CDH26: variants seen among roughly 807,000 people sequenced by gnomAD.
CDH26 encodes cadherin 26.
Under a neutral mutation model 90.3 loss-of-function variants are expected in CDH26, and 83 were observed. That is an observed-to-expected ratio of 0.92 (90% confidence interval 0.77 to 1.10). The LOEUF (loss-of-function observed/expected upper bound fraction) is 1.10, where lower values mean the gene tolerates loss of function less well. CDH26 is among the 50% of genes least tolerant of loss of function. The pLI is 0.00. For synonymous variants in CDH26, 397 were observed against 396.3 expected, an observed-to-expected ratio of 1.00 and a Z score of -0.02; for missense variants, 1,013 against 1,037.6, an observed-to-expected ratio of 0.98 and a Z score of 0.33.
At chr20:59,994,227 C>T (rs757840714) in intron 10 of CDH26, 23 bp from the exon 11 acceptor site, 2 of 1,613,638 alleles carry the variant, frequency 1.2e-6, no homozygotes. Context: ...TAAACAACTC[C>T]TGAAACTTCC....
chr20:59,996,842 T>C, intron 13 of CDH26, 81 bp downstream of exon 13: 1 of 1,559,316 alleles, frequency 6.4e-7, no homozygotes, highest in Non-Finnish European at 8.8e-7. Flanking sequence ...TTCCCCCCAT[T>C]GTGCCACCTC....
chr20:60,031,542 G>T (rs1182030038), intron 8 of CDH26: 1 of 1,011,280 alleles, frequency 9.9e-7, no homozygotes, highest in African/African-American at 1.7e-5. Flanking sequence ...TTAATTATTT[G>T]TAAAAACATC....
chr20:59,995,754 A>G (rs972638241), intron 11 of CDH26, 79 bp from the exon 12 acceptor site: 14 of 1,326,098 alleles, frequency 1.1e-5, no homozygotes, highest in Admixed American at 1.7e-5. Context: ...TGGCCCGTGC[A>G]GGGCGTTCAG....
At chr20:59,978,119 A>G (rs982987623) in intron 4 of CDH26, among the ~76,000 whole-genome samples, 5 of 152,214 alleles carry the variant, frequency 3.3e-5, no homozygotes, top group African/African-American at 1.2e-4. Flanking sequence ...GTGGATGGAC[A>G]CAGCTTATTT....
At chr20:60,003,039 T>G (rs183744909) in intron 16 of CDH26, among the ~76,000 whole-genome samples, 173 bp downstream of exon 16, 6 of 152,292 alleles carry the variant, frequency 3.9e-5, no homozygotes, top group Admixed American at 2.0e-4. Context: ...TTGGAAGTAG[T>G]TAAGGCACAT....
intron 1 of CDH26, among the ~76,000 whole-genome samples, chr20:59,962,442 T>C (rs2061087334): frequency 6.6e-6 from 1 of 152,204 alleles, no homozygotes; most frequent in Non-Finnish European, 1.5e-5. Context: ...CAGCTGTTTC[T>C]TGGCTTGCAG....
At position 59,992,389 on chromosome 20, in the gene CDH26, T is replaced by C. The variant is rs2061537815; in HGVS notation, c.1295T>C (p.Val432Ala). 6.2e-7 allele frequency: 1 copy of C among 1,614,168 alleles called. No homozygotes were observed. Among genetic ancestry groups the C allele is most frequent in the Non-Finnish European group, 8.5e-7 (1 of 1,179,980 alleles). ...DPDSQIRYEL[V>A]HDPANWVSVD... ...TTTCCTTCTACAAGATATGAACTGG[T>C]TCATGACCCAGCAAATTGGGTCAGC... Residue 432 changes from valine (V) to alanine (A), a missense_variant, in exon 10 of 18, where the codon GTT becomes GCT. Transcript: ENST00000348616. This position sits in a 1 kb window ranked among gnomAD's most constrained non-coding sequence, Gnocchi z 5.0.
intron 8 of CDH26, among the ~76,000 whole-genome samples, 162 bp downstream of exon 8, chr20:59,987,800 C>G (rs2061478197): frequency 6.6e-6 from 1 of 152,054 alleles, no homozygotes; most frequent in South Asian, 2.1e-4. Flanking sequence ...GGTCTCAGTG[C>G]CACTTCTGTG....
At chr20:59,987,012 T>A (rs1001943042) in intron 7 of CDH26, among the ~76,000 whole-genome samples, 1 of 152,068 alleles carries the variant, frequency 6.6e-6, no homozygotes, top group Non-Finnish European at 1.5e-5. Context: ...AAGTATTGAA[T>A]AACAAGCTAT....
chr20:59,967,355 A>C (rs1033213100), intron 1 of CDH26, among the ~76,000 whole-genome samples: 1 of 152,208 alleles, frequency 6.6e-6, no homozygotes, highest in Non-Finnish European at 1.5e-5. Flanking sequence ...TTTGCTATCA[A>C]ATTTTCTTTT....
intron 4 of CDH26, among the ~76,000 whole-genome samples, chr20:59,974,521 C>T (rs888052563): frequency 2.0e-5 from 3 of 152,126 alleles, no homozygotes; most frequent in Admixed American, 6.5e-5. Flanking sequence ...ACAGATAGAT[C>T]CTAGGCACCA....
chr20:60,002,492 G>A (rs994015552), intron 15 of CDH26, among the ~76,000 whole-genome samples: 4 of 152,194 alleles, frequency 2.6e-5, no homozygotes, highest in Middle Eastern at 3.4e-3. Flanking sequence ...AGCCCTGAGA[G>A]TTGTGCCGCT....
chr20:60,003,546 A>G (rs2061702717), intron 16 of CDH26, among the ~76,000 whole-genome samples: 1 of 152,168 alleles, frequency 6.6e-6, no homozygotes, highest in Non-Finnish European at 1.5e-5. Context: ...TCAGTTTACA[A>G]TGTTAGGATT....
At chr20:60,018,030 G>C (rs1395527617), downstream of CDH26, among the ~76,000 whole-genome samples, 1 of 151,868 alleles carries the variant, frequency 6.6e-6, no homozygotes, top group Non-Finnish European at 1.5e-5. Flanking sequence ...CCTAACATAT[G>C]GCCTCTCCTG....
intron 4 of CDH26, among the ~76,000 whole-genome samples, chr20:59,982,698 A>G (rs910064409): frequency 6.6e-6 from 1 of 152,180 alleles, no homozygotes; most frequent in African/African-American, 2.4e-5. Flanking sequence ...TTTCCAAGCC[A>G]GAGCATTGGC....
chr20:60,032,108 G>A (rs2062044174), intron 8 of CDH26, among the ~76,000 whole-genome samples: 1 of 152,238 alleles, frequency 6.6e-6, no homozygotes, highest in South Asian at 2.1e-4. Flanking sequence ...TTTGCAATGT[G>A]TGGGGGAAGT....
downstream of CDH26, among the ~76,000 whole-genome samples, chr20:60,035,691 G>A (rs970401553): frequency 2.6e-5 from 4 of 152,168 alleles, no homozygotes; most frequent in African/African-American, 7.2e-5. Flanking sequence ...CATGTTGAGG[G>A]AGGGAGGTGA....
At chr20:59,972,768 CT>C (rs1179187424) in intron 4 of CDH26, among the ~76,000 whole-genome samples, 1 of 152,144 alleles carries the variant, frequency 6.6e-6, no homozygotes, top group Non-Finnish European at 1.5e-5. Context: ...GGGCTTGGTT[CT>C]CAGGCGTGCT....
At chr20:60,012,471 G>T in intron 17 of CDH26, 56 bp from the exon 18 acceptor site, 1 of 1,523,822 alleles carries the variant, frequency 6.6e-7, no homozygotes, top group South Asian at 1.2e-5. Flanking sequence ...CTAGAGAAAT[G>T]AGCTGGGTAT....
Sources: allele counts gnomAD v4.1 joint callset (sites outside exome capture counted in the v4.1 genomes callset), GRCh38; gene constraint gnomAD v4.1.1; non-coding constraint Gnocchi (gnomAD v3.1); transcripts MANE v1.5; gene names NCBI Gene and HGNC (gene_info 2026-07-23, HGNC 2026-07-21).